Variants in CFAP47 observed in about 807,000 individuals in gnomAD.
CFAP47 encodes the protein cilia and flagella associated protein 47.
In CFAP47, 29 loss-of-function variants were observed where a neutral mutation model predicts 148.1. The ratio of observed to expected loss-of-function variants is 0.20; its 90% CI spans 0.15 to 0.27. The LOEUF (loss-of-function observed/expected upper bound fraction) is 0.27. Among genes scored for constraint, CFAP47 ranks in the 10% least tolerant of loss-of-function variants. The pLI, the probability that CFAP47 is intolerant of heterozygous loss-of-function variation, is 1.00. For synonymous variants in CFAP47, 664 were observed against 577.3 expected (o/e 1.15, Z -2.15); for missense variants, 1,872 against 1,697.5 (o/e 1.10, Z -1.81).
intron 49 of CFAP47, among the ~76,000 whole-genome samples, chrX:36,271,109 A>G (rs1217524591): frequency 1.8e-5 from 2 of 111,865 alleles, no homozygotes; most frequent in Non-Finnish European, 3.8e-5. Context: ...CAGAAGGAAG[A>G]GAAAAATTAG....
intron 2 of CFAP47, among the ~76,000 whole-genome samples, chrX:35,940,614 C>A (rs916886160): frequency 9.0e-6 from 1 of 110,844 alleles, no homozygotes; most frequent in Admixed American, 9.7e-5. Flanking sequence ...TTATATATTA[C>A]CAAAATCTTA....
intron 51 of CFAP47, among the ~76,000 whole-genome samples, chrX:36,291,944 TC>T (rs1941197523): frequency 1.8e-5 from 2 of 111,216 alleles, no homozygotes; most frequent in African/African-American, 6.5e-5. Flanking sequence ...GGAGGTTACT[TC>T]CTAGGGATCG....
chrX:36,301,085 C>G lies in CFAP47; in HGVS notation c.7876C>G (p.Pro2626Ala), dbSNP rs1556007738. The change falls in exon 53 of 64, where the codon CCT (proline) becomes GCT (alanine). Residue 2626 changes from proline to alanine, a missense_variant. Pro to Ala is a conservative substitution (Grantham distance 27). Transcript: ENST00000378653. ...GYSDESIIFQ[P>A]EMAEEFWYLL... Reference sequence around the variant, plus strand: ...TCTCTCCACCAGCATTATTTTTCAGCCTGAAATGGCTGAAGAGTTCTGGTA... The same window carrying G: ...TCTCTCCACCAGCATTATTTTTCAGGCTGAAATGGCTGAAGAGTTCTGGTA... 8.8e-7 allele frequency: 1 copy of G among 1,140,687 alleles called. No individual in the cohort carries two copies. The highest frequency in any genetic ancestry group is 1.2e-6 in the Non-Finnish European group (1 of 853,914). The allele number at this position is 1,140,687 out of a possible 1,213,427, so 94.0% of individuals were successfully genotyped here.
intron 27 of CFAP47, among the ~76,000 whole-genome samples, chrX:36,069,297 A>T (rs1334445650): frequency 9.0e-6 from 1 of 111,643 alleles, no homozygotes; most frequent in African/African-American, 3.3e-5. Flanking sequence ...TGTTATGAAT[A>T]ATATTTCATT....
rs762968464 is a variant in CFAP47, at chrX:35,929,402, C to A, written c.401+3234C>A. The stretch of plus-strand genomic sequence containing the variant: ...GTTAAGTGTATAACTATTTCATTTT[C>A]TTTGGAGTGATTGCAAATAATATTG... On this transcript the variant is annotated intron_variant, in intron 2 of 63. Coordinates refer to ENST00000378653, the MANE Select transcript of CFAP47 (RefSeq NM_001304548.2). 9.0e-4 allele frequency among the ~76,000 whole-genome samples: 101 copies of A among 111,867 alleles called. 1 individual carries two copies. Among genetic ancestry groups the A allele is most frequent in the African/African-American group, 3.0e-3 (94 of 30,865 alleles).
chrX:36,111,531 G>A lies in CFAP47; in HGVS notation c.5320+6840G>A, dbSNP rs1457733679. Among the ~76,000 whole-genome samples the A allele has an allele frequency of 4.5e-5, 5 of 111,673 alleles. No homozygotes were observed. In the East Asian group the frequency reaches 1.1e-3, roughly 25 times the overall value. On this transcript the variant is annotated intron_variant, in intron 33 of 63. Coordinates refer to ENST00000378653, the MANE Select transcript of CFAP47 (RefSeq NM_001304548.2). ...GTATTTTGTTGAGGATTCTTGCATC[G>A]ATGTTCATCAAGGATATTGGCCTGA... is the stretch of plus-strand genomic sequence containing the variant.
chrX:36,139,586 A>G (rs186035336), intron 35 of CFAP47, among the ~76,000 whole-genome samples: 1 of 111,715 alleles, frequency 9.0e-6, no homozygotes, highest in African/African-American at 3.2e-5. Flanking sequence ...GAGTACAGTA[A>G]TTACTTTCTC....
intron 15 of CFAP47, among the ~76,000 whole-genome samples, chrX:35,976,233 C>T (rs1936569077): frequency 9.1e-6 from 1 of 110,266 alleles, no homozygotes; most frequent in African/African-American, 3.3e-5. Flanking sequence ...TTGAAATTTG[C>T]AGGGCAGGGT....
chrX:36,230,366 A>G (rs368127841), intron 46 of CFAP47, among the ~76,000 whole-genome samples: 7 of 108,644 alleles, frequency 6.4e-5, no homozygotes, highest in East Asian at 2.9e-4. Context: ...GCCAGTGATG[A>G]TGAGCATTTT....
chrX:36,268,381 A>G (rs1940920240), intron 49 of CFAP47, among the ~76,000 whole-genome samples: 1 of 112,931 alleles, frequency 8.9e-6, no homozygotes, highest in Admixed American at 9.3e-5. Context: ...TGCTGAAGGA[A>G]AGACATTCCT....
At chrX:36,068,849 G>A (rs1293083055) in intron 27 of CFAP47, among the ~76,000 whole-genome samples, 4 of 108,106 alleles carry the variant, frequency 3.7e-5, no homozygotes, top group Admixed American at 3.0e-4. Flanking sequence ...CGAGCTACTC[G>A]GGAGGCTGAG....
chrX:36,276,033 C>G (rs1222343344), intron 49 of CFAP47, among the ~76,000 whole-genome samples: 1 of 109,287 alleles, frequency 9.2e-6, no homozygotes, highest in African/African-American at 3.3e-5. Context: ...AAATTCATAG[C>G]ATAAAAACAT....
At chrX:36,025,186 A>AT (rs1181843939) in intron 22 of CFAP47, among the ~76,000 whole-genome samples, 3 of 111,456 alleles carry the variant, frequency 2.7e-5, no homozygotes, top group Admixed American at 9.6e-5. Flanking sequence ...CTTATTTAGA[A>AT]TTTTTTGGAG....
chrX:35,956,820 A>G (rs921205802), intron 8 of CFAP47, among the ~76,000 whole-genome samples: 1 of 111,798 alleles, frequency 8.9e-6, no homozygotes. Flanking sequence ...GATGGTCCAC[A>G]GGTCAAATAT....
intron 33 of CFAP47, among the ~76,000 whole-genome samples, chrX:36,133,412 T>C (rs1441721939): frequency 9.0e-6 from 1 of 110,913 alleles, no homozygotes; most frequent in Non-Finnish European, 1.9e-5. Context: ...AAGTCCAAGA[T>C]AATTAGGTTG....
At chrX:36,020,639 A>G (rs1275285941) in intron 22 of CFAP47, among the ~76,000 whole-genome samples, 1 of 111,563 alleles carries the variant, frequency 9.0e-6, no homozygotes, top group Non-Finnish European at 1.9e-5. Context: ...ATTTTGTCTG[A>G]TAAAAGTGTA....
At chrX:36,262,775 T>C (rs1940844842) in intron 49 of CFAP47, among the ~76,000 whole-genome samples, 1 of 112,146 alleles carries the variant, frequency 8.9e-6, no homozygotes, top group Non-Finnish European at 1.9e-5. Context: ...ATTTTTCATT[T>C]TTTAAGGAAC....
chrX:35,924,322 T>C lies in CFAP47; in HGVS notation c.250-1695T>C, dbSNP rs778580427. Reference sequence around the variant, plus strand: ...ACACATATGTATATATGTACATGTATGTGTATATGTGTACATATATGTGTG... The same window carrying C: ...ACACATATGTATATATGTACATGTACGTGTATATGTGTACATATATGTGTG... On this transcript the variant is annotated intron_variant, in intron 1 of 63. Transcript: ENST00000378653. Among the ~76,000 whole-genome samples, 27 of 106,536 alleles carry C rather than the reference T, an allele frequency of 2.5e-4. 3 individuals carry two copies. Among genetic ancestry groups the C allele is most frequent in the African/African-American group, 9.3e-4 (26 of 28,066 alleles). The allele number at this position is 106,536 out of a possible 115,157, so 92.5% of individuals were successfully genotyped here. A position where few individuals can be genotyped will look rare whatever the true frequency, so the allele number is the denominator to read the frequency against.
intron 19 of CFAP47, among the ~76,000 whole-genome samples, chrX:35,998,363 A>G (rs886704911): frequency 9.0e-6 from 1 of 111,528 alleles, no homozygotes; most frequent in East Asian, 2.8e-4. Flanking sequence ...GGACTTACCT[A>G]TTCAAAGAAA....
Sources: gnomAD v4.1 joint callset for allele counts (sites outside exome capture counted in the v4.1 genomes callset) on GRCh38, gnomAD v4.1.1 for gene constraint, MANE v1.5 for transcripts, NCBI Gene and HGNC (gene_info 2026-07-23, HGNC 2026-07-21) for gene names.